The following GPANK1 variants were observed in gnomAD, a reference collection of about 807,000 sequenced individuals.
GPANK1 encodes the protein G patch domain and ankyrin repeat-containing protein 1.
A neutral mutation model predicts 24.0 loss-of-function variants in GPANK1; 22 were observed. The observed-to-expected ratio is 0.92, with a 90% confidence interval of 0.66 to 1.31. The LOEUF (loss-of-function observed/expected upper bound fraction) is 1.31. Ranked by LOEUF, GPANK1 falls within the 50% of genes most tolerant of loss-of-function variation. GPANK1 has a pLI of 0.00. For missense variants in GPANK1, 469 were observed against 453.5 expected (o/e 1.03, Z -0.31); for synonymous variants, 174 against 177.4 (o/e 0.98, Z 0.15).
chr6:31,665,405 C>T, upstream of GPANK1: 1 of 1,539,724 alleles, frequency 6.5e-7, no homozygotes, highest in South Asian at 1.2e-5. Context: ...CTCACCATTA[C>T]TCTGACCAGG....
chr6:31,666,018 C>G, upstream of GPANK1: 1 of 997,652 alleles, frequency 1.0e-6, no homozygotes, highest in Non-Finnish European at 1.2e-6. Context: ...CTCCGTGTCC[C>G]GGCATCCACC....
Position 31,662,541 on chromosome 6 carries a change from C to T in GPANK1, c.796G>A (p.Gly266Arg), listed in dbSNP as rs28732158. The change falls in exon 3 of 3, where the codon GGG (glycine) becomes AGG (arginine). Residue 266 changes from glycine to arginine, a missense_variant. Coordinates refer to ENST00000375896, the MANE Select transcript of GPANK1 (RefSeq NM_033177.4). This position sits in a 1 kb window ranked among gnomAD's most constrained non-coding sequence, Gnocchi z 5.5. The part of the protein sequence containing the change: ...SSPGFKLLLR[G>R]GWEPGMGLGP... ...AGCCCCATTCCTGGCTCCCAGCCCC[C>T]CCTCAGCAGCAGTTTGAAGCCCGGG... 3.6e-3 allele frequency: 5,783 copies of T among 1,612,920 alleles called. 45 individuals are homozygous for T. Among genetic ancestry groups the T allele is most frequent in the African/African-American group, 0.035 (2,599 of 75,028 alleles).
At position 31,661,356 on chromosome 6, in the gene GPANK1, C is replaced by T. The variant is rs1006077512; in HGVS notation, c.*910G>A. 1 of 152,260 alleles carries T rather than the reference C, an allele frequency of 6.6e-6. No individual in the cohort carries two copies. Among genetic ancestry groups the T allele is most frequent in the African/African-American group, 2.4e-5 (1 of 41,446 alleles). 9.4% of individuals were successfully genotyped at this position (152,260 alleles called of 1,614,324 possible). A position where few individuals can be genotyped will look rare whatever the true frequency, so the allele number is the denominator to read the frequency against. ...TGGCCTCTTCCAGCAAAACCCTACC[C>T]ATTCTCATCTCTAGAGGCCTTGACT... is the stretch of plus-strand genomic sequence containing the variant. On this transcript the variant is annotated 3_prime_UTR_variant, in exon 3 of 3. Coordinates refer to ENST00000375896, the MANE Select transcript of GPANK1 (RefSeq NM_033177.4).
chr6:31,665,362 A>C (rs1305202732), upstream of GPANK1: 1 of 1,262,400 alleles, frequency 7.9e-7, no homozygotes, highest in Non-Finnish European at 1.1e-6. Flanking sequence ...GAATGCCGAG[A>C]AGCCGTGTAA....
At position 31,663,865 on chromosome 6, in the gene GPANK1, C is replaced by T. The variant is rs1162010904; in HGVS notation, c.614G>A (p.Ser205Asn). The change falls in exon 2 of 3, where the codon AGC (serine) becomes AAC (asparagine). Residue 205 changes from serine to asparagine, a missense_variant. Physicochemically the swap from Ser to Asn is conservative, Grantham distance 46. Coordinates refer to ENST00000375896, the MANE Select transcript of GPANK1 (RefSeq NM_033177.4). ...AGTTTCCCCTTACCGGTTTTCCGGG[C>T]TCCTTGTCTCTCCATGGCTCTCCCT... ...MVRESHGETRSPENRSPTPSL... is the reference protein window; with the variant it reads ...MVRESHGETRNPENRSPTPSL... The T allele has an allele frequency of 1.9e-6, 3 of 1,556,130 alleles. No individual in the cohort carries two copies. The highest frequency in any genetic ancestry group is 2.6e-6 in the Non-Finnish European group (3 of 1,152,296).
At position 31,664,474 on chromosome 6, in the gene GPANK1, G is replaced by A. The variant is rs781394964; in HGVS notation, c.5C>T (p.Ser2Phe). The change falls in exon 2 of 3, where the codon TCC becomes TTC. Residue 2 changes from serine (S) to phenylalanine (F), a missense_variant. Physicochemically the swap from Ser to Phe is radical, Grantham distance 155. Transcript: ENST00000375896. The stretch of plus-strand genomic sequence containing the variant: ...GGTGAAGGTGATGAGCAAGGGCCGG[G>A]ACATGGCTTTTGGGAGAACTGAGAA... M[S>F]RPLLITFTPA... 1.9e-6 allele frequency: 3 copies of A among 1,607,098 alleles called. No individual in the cohort carries two copies. In the South Asian group the frequency reaches 3.3e-5, roughly 18 times the overall value.
In GPANK1 at chr6:31,663,971, C is replaced by T. The variant is rs754739934; in HGVS notation, c.508G>A (p.Val170Met). Residue 170 changes from valine to methionine, a missense_variant, in exon 2 of 3, where the codon GTG becomes ATG. Physicochemically the swap from Val to Met is conservative, Grantham distance 21 (BLOSUM62 1). Transcript: ENST00000375896. ...SYLLGRGAAW[V>M]GVCELSGRDA... ...CTGCCACTCAGCTCACAGACCCCCACCCAGGCAGCCCCACGGCCCAGGAGA... is the reference window on the plus strand; with the variant it reads ...CTGCCACTCAGCTCACAGACCCCCATCCAGGCAGCCCCACGGCCCAGGAGA... 7.4e-6 allele frequency: 12 copies of T among 1,614,146 alleles called. No homozygotes were observed. The highest frequency in any genetic ancestry group is 3.3e-5 in the Admixed American group (2 of 60,028).
chr6:31,666,066 T>TCCCCACCCTCCCTAATTTCCACTCC, upstream of GPANK1: 1 of 991,246 alleles, frequency 1.0e-6, no homozygotes, highest in South Asian at 4.4e-5. Flanking sequence ...GTTGCCCTCT[T>TCCCCACCCTCCCTAATTTCCACTCC]CCCCACCCTC....
rs1011363152 is a variant in GPANK1, at chr6:31,662,531, T to C, written c.806A>G (p.Glu269Gly). The change falls in exon 3 of 3, where the codon GAG becomes GGG. Residue 269 changes from glutamate (E) to glycine (G), a missense_variant. Physicochemically the swap from Glu to Gly is moderately conservative, Grantham distance 98 (BLOSUM62 -2). Transcript: ENST00000375896. This position sits in a 1 kb window ranked among gnomAD's most constrained non-coding sequence, Gnocchi z 5.5. ...CCGGGGTCCCAGCCCCATTCCTGGC[T>C]CCCAGCCCCCCCTCAGCAGCAGTTT... The part of the protein sequence containing the change: ...GFKLLLRGGW[E>G]PGMGLGPRGE... 26 of 1,612,676 alleles carry C rather than the reference T, an allele frequency of 1.6e-5. 1 individual carries two copies. Among genetic ancestry groups the C allele is most frequent in the East Asian group, 8.9e-5 (4 of 44,880 alleles).
Position 31,662,314 on chromosome 6 carries a change from G to A in GPANK1, c.1023C>T (p.Asp341=). ...TCCTTAGATCCCGCTCCCAAGCCCT[G>A]TCTTTCTCCTCCCTCCTTCTCTCCT... The part of the protein sequence containing the change: ...WREERRREEK[D]RAWERDLRTY... Residue 341 remains aspartate (D), a synonymous_variant, in exon 3 of 3, where the codon GAC becomes GAT. Coordinates refer to ENST00000375896, the MANE Select transcript of GPANK1 (RefSeq NM_033177.4). The surrounding 1 kb of genome is among the most constrained non-coding windows in gnomAD (Gnocchi z 5.5). 3 of 1,589,662 alleles carry A rather than the reference G, an allele frequency of 1.9e-6. No homozygotes were observed. The highest frequency in any genetic ancestry group is 2.6e-6 in the Non-Finnish European group (3 of 1,165,870).
At chr6:31,665,569 C>T (rs2151176926), upstream of GPANK1, 2 of 1,388,726 alleles carry the variant, frequency 1.4e-6, no homozygotes, top group Middle Eastern at 2.0e-4. Context: ...GGAGCCAAGC[C>T]GCACCTCTCC....
chr6:31,663,557 A>G (rs76072474), intron 2 of GPANK1, among the ~76,000 whole-genome samples: 1,807 of 152,336 alleles, frequency 0.012, 23 homozygotes, highest in Non-Finnish European at 0.019. Context: ...GGCATGCACT[A>G]TTCTAGCATT....
At position 31,661,256 on chromosome 6, in the gene GPANK1, G is replaced by C. The variant is rs1296385409; in HGVS notation, c.*1010C>G. 1 of 152,248 alleles carries C rather than the reference G, an allele frequency of 6.6e-6. No homozygotes were observed. Among genetic ancestry groups the C allele is most frequent in the Non-Finnish European group, 1.5e-5 (1 of 68,060 alleles). The allele number at this position is 152,248 out of a possible 1,614,324, so 9.4% of individuals were successfully genotyped here. On this transcript the variant is annotated 3_prime_UTR_variant, in exon 3 of 3. Coordinates refer to ENST00000375896, the MANE Select transcript of GPANK1 (RefSeq NM_033177.4). ...GTGGAACAAAGAAGTTTAAAGTTTA[G>C]ATTTGGGGGCTAGAGTTCTGGTCCC... is the stretch of plus-strand genomic sequence containing the variant.
At chr6:31,666,193 G>T (rs1381995640), upstream of GPANK1, 46 of 992,480 alleles carry the variant, frequency 4.6e-5, no homozygotes, top group Non-Finnish European at 5.5e-5. Context: ...CCCCAGTCCT[G>T]GTCCCCGTCC....
intron 2 of GPANK1, chr6:31,663,523 A>C (rs1801183217): frequency 6.4e-6 from 2 of 314,652 alleles, no homozygotes; most frequent in African/African-American, 4.3e-5. Flanking sequence ...ACTATAGCTA[A>C]CATTCATGTA....
upstream of GPANK1, chr6:31,665,653 G>A (rs1801579716): frequency 3.4e-6 from 3 of 872,660 alleles, no homozygotes; most frequent in Non-Finnish European, 3.6e-6. Context: ...CGCACTAGGG[G>A]CCCAACAGGC....
rs1801085229 is a variant in GPANK1 at position 31,662,926 on chromosome 6, T to G, written c.627-216A>C. ...TGAGCTCAGGAGTTTGAGACCAGCC[T>G]GGGCAAAATGGCAACGCCTGCTTTT... On this transcript the variant is annotated intron_variant, in intron 2 of 2. Coordinates refer to ENST00000375896, the MANE Select transcript of GPANK1 (RefSeq NM_033177.4). This position sits in a 1 kb window ranked among gnomAD's most constrained non-coding sequence, Gnocchi z 5.5. Among the ~76,000 whole-genome samples, 1 of 147,734 alleles carries G rather than the reference T, an allele frequency of 6.8e-6. No individual in the cohort carries two copies. The highest frequency in any genetic ancestry group is 2.5e-5 in the African/African-American group (1 of 39,908).
chr6:31,665,588 G>A (rs941329898), upstream of GPANK1: 3 of 1,252,890 alleles, frequency 2.4e-6, no homozygotes, highest in Non-Finnish European at 2.3e-6. Flanking sequence ...CCCCTCATGA[G>A]GCAGGAGCCC....
chr6:31,665,527 G>GGCCCCCCCCCCC, upstream of GPANK1: 1 of 1,537,046 alleles, frequency 6.5e-7, no homozygotes, highest in Non-Finnish European at 8.8e-7. Flanking sequence ...TTCTCACACC[G>GGCCCCCCCCCCC]CCCACCCCAC....
Sources: gnomAD v4.1 joint callset for allele counts (sites outside exome capture counted in the v4.1 genomes callset) on GRCh38, gnomAD v4.1.1 for gene constraint, Gnocchi (gnomAD v3.1) non-coding constraint, MANE v1.5 for transcripts, NCBI Gene and HGNC (gene_info 2026-07-23, HGNC 2026-07-21) for gene names.